The following NCF4 variants were observed in gnomAD, a reference collection of about 807,000 sequenced individuals.
NCF4 encodes neutrophil cytosol factor 4.
NCF4 carries 30 observed loss-of-function variants against 41.7 expected under a neutral mutation model. That is an observed-to-expected ratio of 0.72 (90% confidence interval 0.54 to 0.97). The LOEUF is 0.97. Ranked by LOEUF, NCF4 falls within the 50% of genes least tolerant of loss-of-function variation. The probability of loss-of-function intolerance (pLI) is 0.00; values close to 1 mark genes in which losing one functional copy is unlikely to be tolerated. For missense variants in NCF4, 432 were observed against 460.9 expected, an observed-to-expected ratio of 0.94 and a Z score of 0.57; for synonymous variants, 195 against 175.8, an observed-to-expected ratio of 1.11 and a Z score of -0.87.
intron 9 of NCF4, among the ~76,000 whole-genome samples, chr22:36,876,751 T>C (rs1219240690): frequency 1.3e-5 from 2 of 152,228 alleles, no homozygotes; most frequent in Non-Finnish European, 2.9e-5. Context: ...AACAACATTG[T>C]ACAGACCATC....
In NCF4 at chr22:36,872,367, A is replaced by T; in HGVS notation, c.569A>T (p.Asn190Ile). The stretch of plus-strand genomic sequence containing the variant: ...ACTGGAAACAGCAAACTGGAGCTGA[A>T]TTTCAAAGCTGGAGATGTGATCTTC... ...DFTGNSKLEL[N>I]FKAGDVIFLL... Residue 190 changes from asparagine (N) to isoleucine (I), a missense_variant, in exon 7 of 10, where the codon AAT becomes ATT. Asn to Ile is a moderately radical substitution (Grantham distance 149). Coordinates refer to ENST00000248899, the MANE Select transcript of NCF4 (RefSeq NM_000631.5). 6.2e-7 allele frequency: 1 copy of T among 1,613,862 alleles called. No individual in the cohort carries two copies. The highest frequency in any genetic ancestry group is 2.2e-5 in the East Asian group (1 of 44,896).
rs1940081454 is a variant in NCF4 at position 36,872,431 on chromosome 22, T to C, written c.627+6T>C. On this transcript the variant is annotated splice_donor_region_variant and intron_variant, in intron 7 of 9. Transcript: ENST00000248899. ...TCAACAAAGACTGGCTGGAGGTGAG[T>C]TCAGAAGTGAGGATGGAGGTGAGAT... 6.3e-7 allele frequency: 1 copy of C among 1,589,292 alleles called. No homozygotes were observed. The highest frequency in any genetic ancestry group is 8.6e-7 in the Non-Finnish European group (1 of 1,157,564).
In NCF4 at chr22:36,875,820, C is replaced by T. The variant is rs1245908102; in HGVS notation, c.758+37C>T. On this transcript the variant is annotated intron_variant, in intron 8 of 9. Coordinates refer to ENST00000248899, the MANE Select transcript of NCF4 (RefSeq NM_000631.5). ...GGGAGGGAGGGGCCTGTCCAGCCTT[C>T]CTGCCATCCCTACGACCACTGCCCC... 4 of 1,614,010 alleles carry T rather than the reference C, an allele frequency of 2.5e-6. No individual in the cohort carries two copies. The Admixed American group carries it at 6.7e-5, about 27-fold the overall frequency.
intron 4 of NCF4, among the ~76,000 whole-genome samples, chr22:36,869,088 TA>T (rs2145713779): frequency 6.6e-6 from 1 of 152,330 alleles, no homozygotes; most frequent in South Asian, 2.1e-4. Flanking sequence ...GATAAATGAA[TA>T]ATCTTATTTA....
At chr22:36,875,553 A>C in intron 7 of NCF4, 100 bp from the exon 8 acceptor site, 1 of 1,117,150 alleles carries the variant, frequency 9.0e-7, no homozygotes, top group Non-Finnish European at 1.3e-6. Context: ...CCCGGACCTC[A>C]TCTGCCTTTC....
At chr22:36,874,564 A>T (rs1645299438) in intron 7 of NCF4, among the ~76,000 whole-genome samples, 1 of 152,190 alleles carries the variant, frequency 6.6e-6, no homozygotes, top group African/African-American at 2.4e-5. Flanking sequence ...AATAGAAAAC[A>T]TGTATTGCCT....
intron 4 of NCF4, among the ~76,000 whole-genome samples, chr22:36,869,915 A>C (rs368693409): frequency 4.7e-5 from 7 of 148,796 alleles, no homozygotes; most frequent in Non-Finnish European, 1.0e-4. Flanking sequence ...GGAGCCCCCC[A>C]CCCCCGCCAA....
chr22:36,863,083 T>C (rs565692508), intron 1 of NCF4, among the ~76,000 whole-genome samples: 16 of 152,260 alleles, frequency 1.1e-4, no homozygotes, highest in African/African-American at 2.9e-4. Flanking sequence ...GCTGCTCTTC[T>C]TGCCCGCCCC....
chr22:36,877,568 CT>C (rs1940219884), intron 9 of NCF4, 59 bp from the exon 10 acceptor site: 1 of 1,586,562 alleles, frequency 6.3e-7, no homozygotes, highest in Non-Finnish European at 8.7e-7. Context: ...TTTTCACCCC[CT>C]CTCCCTACCC....
chr22:36,864,148 C>T lies in NCF4; in HGVS notation c.117+19C>T, dbSNP rs760778895. On this transcript the variant is annotated intron_variant, in intron 2 of 9. Coordinates refer to ENST00000248899, the MANE Select transcript of NCF4 (RefSeq NM_000631.5). ...CCACTTTGTAAGACAGACTCCTAGT[C>T]CTTCACCCAACAACCTCTGAACTTC... 3 of 1,594,002 alleles carry T rather than the reference C, an allele frequency of 1.9e-6. No individual in the cohort carries two copies. Among genetic ancestry groups the T allele is most frequent in the Middle Eastern group, 3.3e-4 (2 of 6,034 alleles).
In NCF4 at chr22:36,861,194, G is replaced by C. The variant is rs762576326; in HGVS notation, c.23G>C (p.Arg8Pro). 2.6e-6 allele frequency: 4 copies of C among 1,551,478 alleles called. No individual in the cohort carries two copies. The highest frequency in any genetic ancestry group is 2.4e-5 in the South Asian group (2 of 84,054). ...ACCATGGCTGTGGCCCAGCAGCTGC[G>C]GGCCGAGAGGTGAGTGCCGGGGTGT... Reference protein sequence around the residue: MAVAQQLRAESDFEQLPD... With the variant: MAVAQQLPAESDFEQLPD... The change falls in exon 1 of 10, where the codon CGG (arginine) becomes CCG (proline). Residue 8 changes from arginine (R) to proline (P), a missense_variant. Arg to Pro is a moderately radical substitution (Grantham distance 103). Coordinates refer to ENST00000248899, the MANE Select transcript of NCF4 (RefSeq NM_000631.5).
At chr22:36,876,900 A>G (rs1940204697) in intron 9 of NCF4, among the ~76,000 whole-genome samples, 1 of 152,160 alleles carries the variant, frequency 6.6e-6, no homozygotes, top group African/African-American at 2.4e-5. Flanking sequence ...GCTCAGATCA[A>G]TTTCTACGTA....
intron 5 of NCF4, 109 bp from the exon 6 acceptor site, chr22:36,871,543 T>C (rs1195136884): frequency 2.4e-6 from 3 of 1,240,900 alleles, no homozygotes; most frequent in South Asian, 1.3e-5. Flanking sequence ...GCATCTTCTG[T>C]CTCCTCTGCC....
At chr22:36,867,582 C>A in intron 4 of NCF4, 120 bp downstream of exon 4, 1 of 1,056,268 alleles carries the variant, frequency 9.5e-7, no homozygotes. Context: ...CTCTGATGGC[C>A]CCATCTTCAA....
chr22:36,873,414 AGAGGTGAGGCTG>A (rs1940127484), intron 7 of NCF4, among the ~76,000 whole-genome samples: 1 of 147,920 alleles, frequency 6.8e-6, no homozygotes, highest in African/African-American at 2.5e-5. Flanking sequence ...GGCTGAGATT[AGAGGTGAGGCTG>A]GAGGTGAGGT....
rs1188730128 is a variant in NCF4, at chr22:36,865,267, C to A, written c.271+195C>A. On this transcript the variant is annotated intron_variant, in intron 3 of 9. Coordinates refer to ENST00000248899, the MANE Select transcript of NCF4 (RefSeq NM_000631.5). This position sits in a 1 kb window ranked among gnomAD's most constrained non-coding sequence, Gnocchi z 4.3. The stretch of plus-strand genomic sequence containing the variant: ...CCCTGCCTCACGCCATGGCTTCCAC[C>A]CCAAGCACTCTAGCCTCACAGCCCC... Among the ~76,000 whole-genome samples, 1 of 152,120 alleles carries A rather than the reference C, an allele frequency of 6.6e-6. No homozygotes were observed. Among genetic ancestry groups the A allele is most frequent in the Non-Finnish European group, 1.5e-5 (1 of 68,010 alleles).
At chr22:36,863,172 C>T (rs1311599331) in intron 1 of NCF4, among the ~76,000 whole-genome samples, 2 of 152,280 alleles carry the variant, frequency 1.3e-5, no homozygotes, top group East Asian at 3.9e-4. Context: ...GTGTATTGAG[C>T]AGTACTGAGC....
Position 36,872,351 on chromosome 22 carries a change from A to G in NCF4, c.553A>G (p.Ser185Gly), listed in dbSNP as rs766040731. 5.8e-5 allele frequency: 93 copies of G among 1,612,608 alleles called. No individual in the cohort carries two copies. Among genetic ancestry groups the G allele is most frequent in the Non-Finnish European group, 7.5e-5 (88 of 1,178,608 alleles). ...GGCTCTATTTGACTTCACTGGAAAC[A>G]GCAAACTGGAGCTGAATTTCAAAGC... ...AEALFDFTGN[S>G]KLELNFKAGD... The change falls in exon 7 of 10, where the codon AGC (serine) becomes GGC (glycine). Residue 185 changes from serine (S) to glycine (G), a missense_variant. Ser to Gly is a moderately conservative substitution (Grantham distance 56, BLOSUM62 0). Coordinates refer to ENST00000248899, the MANE Select transcript of NCF4 (RefSeq NM_000631.5).
intron 4 of NCF4, among the ~76,000 whole-genome samples, chr22:36,869,908 G>GC (rs34851465): frequency 3.3e-5 from 5 of 152,112 alleles, no homozygotes; most frequent in African/African-American, 7.2e-5. Context: ...TATTTTGGGA[G>GC]CCCCCCACCC....
Sources: allele counts gnomAD v4.1 joint callset (sites outside exome capture counted in the v4.1 genomes callset), GRCh38; gene constraint gnomAD v4.1.1; non-coding constraint Gnocchi (gnomAD v3.1); transcripts MANE v1.5; gene names NCBI Gene and HGNC (gene_info 2026-07-23, HGNC 2026-07-21).